The following UGGT1 variants were observed in gnomAD, a reference collection of about 807,000 sequenced individuals.
The protein encoded by UGGT1 is UDP-glucose glycoprotein glucosyltransferase 1.
UGGT1 carries 107 observed loss-of-function variants against 203.9 expected under a neutral mutation model. The ratio of observed to expected loss-of-function variants is 0.52; its 90% CI spans 0.45 to 0.62. The LOEUF is 0.62. UGGT1 is among the 20% of genes least tolerant of loss of function. UGGT1 has a pLI of 0.00. For synonymous variants in UGGT1, 628 were observed against 653.5 expected (o/e 0.96, Z 0.59); for missense variants, 1,673 against 1,867.2 (o/e 0.90, Z 1.92).
At chr2:128,174,746 C>T in intron 30 of UGGT1, 27 bp from the exon 31 acceptor site, 3 of 1,583,018 alleles carry the variant, frequency 1.9e-6, no homozygotes, top group African/African-American at 2.7e-5. Flanking sequence ...TTGAAGAGAG[C>T]TAACTGGACT....
intron 38 of UGGT1, among the ~76,000 whole-genome samples, chr2:128,185,611 C>T (rs571454163): frequency 5.9e-5 from 9 of 151,730 alleles, no homozygotes; most frequent in Non-Finnish European, 1.0e-4. Context: ...GCAGCTGGGA[C>T]GACAGGCTCA....
intron 38 of UGGT1, 120 bp downstream of exon 38, chr2:128,183,909 G>T (rs142590190): frequency 8.8e-6 from 3 of 339,878 alleles, no homozygotes; most frequent in Non-Finnish European, 1.1e-5. Flanking sequence ...GTTTTTTCAT[G>T]GTGTGTGTGT....
At chr2:128,092,778 C>T (rs1046867704) in intron 1 of UGGT1, among the ~76,000 whole-genome samples, 2 of 152,034 alleles carry the variant, frequency 1.3e-5, no homozygotes, top group Admixed American at 1.3e-4. Flanking sequence ...GCAGCCTCCA[C>T]CTCCTGGGCT....
At chr2:128,165,090 C>G (rs1002000187) in intron 26 of UGGT1, among the ~76,000 whole-genome samples, 24 of 152,300 alleles carry the variant, frequency 1.6e-4, no homozygotes, top group South Asian at 6.2e-4. Flanking sequence ...AGAAAATAGA[C>G]TGCATTTAAT....
intron 26 of UGGT1, among the ~76,000 whole-genome samples, chr2:128,167,573 T>C (rs959038623): frequency 6.6e-6 from 1 of 152,190 alleles, no homozygotes; most frequent in Non-Finnish European, 1.5e-5. Flanking sequence ...AAGTTGCTCC[T>C]GGGGGATTCC....
At position 128,157,357 on chromosome 2, in the gene UGGT1, A is replaced by T. The variant is rs369069164; in HGVS notation, c.2355+11A>T. On this transcript the variant is annotated intron_variant, in intron 22 of 40. Transcript: ENST00000259253. ...GCCATCAAACATCAGGCAAGTATCT[A>T]TGACTTCATTTTATATTTTTGTTTG... 4 of 1,609,368 alleles carry T rather than the reference A, an allele frequency of 2.5e-6. No individual in the cohort carries two copies. The highest frequency in any genetic ancestry group is 1.3e-5 in the African/African-American group (1 of 74,764).
intron 17 of UGGT1, among the ~76,000 whole-genome samples, chr2:128,144,904 G>T (rs1242120561): frequency 6.6e-6 from 1 of 152,164 alleles, no homozygotes; most frequent in African/African-American, 2.4e-5. Context: ...TTGTAAAGTT[G>T]CCCACTTTAC....
At chr2:128,153,160 A>G (rs750104192) in intron 19 of UGGT1, among the ~76,000 whole-genome samples, 65 of 152,186 alleles carry the variant, frequency 4.3e-4, no homozygotes, top group Non-Finnish European at 8.5e-4. Flanking sequence ...ATTTAGTGCC[A>G]TTTAAATGCC....
At chr2:128,117,546 C>CT (rs10694331) in intron 8 of UGGT1, among the ~76,000 whole-genome samples, 9,395 of 137,386 alleles carry the variant, frequency 0.068, 555 homozygotes, top group Admixed American at 0.09. Flanking sequence ...AACTGTTATT[C>CT]TTTTTTTTTT....
At chr2:128,183,886 A>G (rs752571909) in intron 38 of UGGT1, 97 bp downstream of exon 38, 4 of 806,250 alleles carry the variant, frequency 5.0e-6, no homozygotes, top group Non-Finnish European at 8.1e-6. Context: ...CTCTCCTCAC[A>G]GGATGGCGTC....
chr2:128,097,569 G>C lies in UGGT1; in HGVS notation c.194+5G>C, dbSNP rs1219391840. ...TCCATTGTTGTTAGAAGCCAGGTAAGAGAACATTTTTTTTCCCTTCGTGTA... is the reference window on the plus strand; with the variant it reads ...TCCATTGTTGTTAGAAGCCAGGTAACAGAACATTTTTTTTCCCTTCGTGTA... On this transcript the variant is annotated splice_donor_5th_base_variant and intron_variant, in intron 2 of 40. Coordinates refer to ENST00000259253, the MANE Select transcript of UGGT1 (RefSeq NM_020120.4). 6.2e-7 allele frequency: 1 copy of C among 1,613,476 alleles called. No homozygotes were observed. The highest frequency in any genetic ancestry group is 2.2e-5 in the East Asian group (1 of 44,866).
At chr2:128,175,694 T>C (rs1691334786) in intron 31 of UGGT1, among the ~76,000 whole-genome samples, 1 of 152,226 alleles carries the variant, frequency 6.6e-6, no homozygotes, top group South Asian at 2.1e-4. Flanking sequence ...TTTTACAAAA[T>C]TTGGGATGCA....
rs759484916 is a variant in UGGT1 at position 128,180,876 on chromosome 2, A to G, written c.3901-14A>G. On this transcript the variant is annotated splice_polypyrimidine_tract_variant and intron_variant, in intron 35 of 40. Transcript: ENST00000259253. ...GAAGAAATGATTATTTGTTGTTCCC[A>G]TGTCTAAAAATAGGAGTTTATACCT... 3.1e-6 allele frequency: 5 copies of G among 1,602,456 alleles called. No homozygotes were observed. The Admixed American group carries it at 5.2e-5, about 17-fold the overall frequency.
At chr2:128,189,488 A>G (rs1438605456) in intron 40 of UGGT1, among the ~76,000 whole-genome samples, 1 of 152,260 alleles carries the variant, frequency 6.6e-6, no homozygotes, top group African/African-American at 2.4e-5. Flanking sequence ...TGTGAAAACA[A>G]TTCAGTTGGA....
chr2:128,131,128 G>T (rs932049702), intron 13 of UGGT1, among the ~76,000 whole-genome samples: 1 of 151,462 alleles, frequency 6.6e-6, no homozygotes, highest in Non-Finnish European at 1.5e-5. Flanking sequence ...AGCTCCTTGG[G>T]AGGCTGAGGC....
At chr2:128,099,124 T>C (rs77954902) in intron 2 of UGGT1, among the ~76,000 whole-genome samples, 17,000 of 152,160 alleles carry the variant, frequency 0.11, 1,226 homozygotes, top group Non-Finnish European at 0.16. Context: ...GTCTTCTTCA[T>C]CTTCAATTTA....
chr2:128,174,520 C>T (rs928751125), intron 30 of UGGT1, among the ~76,000 whole-genome samples: 7 of 152,000 alleles, frequency 4.6e-5, no homozygotes, highest in African/African-American at 7.3e-5. Flanking sequence ...AGGCTGGTCT[C>T]GAACTCCTCA....
In UGGT1 at chr2:128,183,764, C is replaced by T; in HGVS notation, c.4334C>T (p.Pro1445Leu). 6.2e-7 allele frequency: 1 copy of T among 1,614,032 alleles called. No individual in the cohort carries two copies. The highest frequency in any genetic ancestry group is 8.5e-7 in the Non-Finnish European group (1 of 1,179,928). ...RGQYQGLSQD[P>L]NSLSNLDQDL... The stretch of plus-strand genomic sequence containing the variant: ...CAGTACCAAGGTCTGAGTCAGGACC[C>T]TAACAGCCTTTCAAATCTTGATCAA... Residue 1445 changes from proline to leucine, a missense_variant, in exon 38 of 41, where the codon CCT becomes CTT. By Grantham distance (98) the Pro-to-Leu change is moderately conservative (BLOSUM62 -3). Around this residue, in one of 4 missense-constraint regions of UGGT1, gnomAD observed 513 missense variants for 684.1 expected, o/e 0.75. Transcript: ENST00000259253.
At chr2:128,124,304 T>C (rs4485515) in intron 11 of UGGT1, among the ~76,000 whole-genome samples, 136,989 of 152,178 alleles carry the variant, frequency 0.9, 62,446 homozygotes, top group Non-Finnish European at 0.98. Flanking sequence ...TTATACAATT[T>C]TAGGTTGGAA....
Sources: gnomAD v4.1 joint callset for allele counts (sites outside exome capture counted in the v4.1 genomes callset) on GRCh38, gnomAD v4.1.1 for gene constraint, gnomAD v4.1.1 regional missense constraint, MANE v1.5 for transcripts, NCBI Gene and HGNC (gene_info 2026-07-23, HGNC 2026-07-21) for gene names.